The following PGM3 variants were observed in gnomAD, a reference collection of about 807,000 sequenced individuals.
The protein encoded by PGM3 is phosphoacetylglucosamine mutase.
Under a neutral mutation model 66.2 loss-of-function variants are expected in PGM3, and 40 were observed. The observed-to-expected ratio is 0.60, with a 90% CI of 0.47 to 0.79. PGM3 has a LOEUF of 0.79. PGM3 is among the 30% of genes least tolerant of loss of function. The probability of loss-of-function intolerance (pLI) is 0.00; values close to 1 mark genes in which losing one functional copy is unlikely to be tolerated. For synonymous variants in PGM3, 191 were observed against 224.2 expected, an observed-to-expected ratio of 0.85 and a Z score of 1.32; for missense variants, 537 against 643.4, an observed-to-expected ratio of 0.83 and a Z score of 1.79.
At chr6:83,191,726 C>T (rs1457898932) in intron 1 of PGM3, among the ~76,000 whole-genome samples, 2 of 152,138 alleles carry the variant, frequency 1.3e-5, no homozygotes, top group Non-Finnish European at 2.9e-5. Context: ...CGGTGGCTCA[C>T]GCCAGTAATC....
At chr6:83,191,223 G>A in intron 1 of PGM3, 1 of 1,535,250 alleles carries the variant, frequency 6.5e-7, no homozygotes, top group South Asian at 1.2e-5. Flanking sequence ...GTCCACTCCT[G>A]GGCAGACTCA....
At chr6:83,151,627 T>C in the PGM3 span, 1 of 1,609,418 alleles carries the variant, frequency 6.2e-7, no homozygotes, top group Non-Finnish European at 8.5e-7. Flanking sequence ...AAACCCTAGT[T>C]TGGAAAATAA....
the PGM3 span, chr6:83,152,221 C>A: frequency 2.1e-3 from 1,881 of 884,336 alleles, 25 homozygotes; most frequent in African/African-American, 0.03. Flanking sequence ...TACACACACA[C>A]ACACACACAC....
At position 83,171,869 on chromosome 6, in the gene PGM3, T is replaced by C. The variant is rs1205068660; in HGVS notation, c.1365+68A>G. On this transcript the variant is annotated intron_variant, in intron 11 of 12. Coordinates refer to ENST00000513973, the MANE Select transcript of PGM3 (RefSeq NM_015599.3). ...GGAAACATATGTCAGTGAGATATAA[T>C]GAGAATTGGGATAATAGGTTTTACT... 5 of 1,191,854 alleles carry C rather than the reference T, an allele frequency of 4.2e-6. No homozygotes were observed. In the African/African-American group the frequency reaches 7.6e-5, roughly 18 times the overall value. 73.8% of individuals were successfully genotyped at this position (1,191,854 alleles called of 1,614,324 possible).
At chr6:83,183,896 A>G (rs577751867) in intron 4 of PGM3, among the ~76,000 whole-genome samples, 1 of 152,016 alleles carries the variant, frequency 6.6e-6, no homozygotes, top group East Asian at 1.9e-4. Context: ...TTGTATTTTT[A>G]GTAGAGACAG....
chr6:83,169,707 G>T (rs1403000829), intron 12 of PGM3: 1 of 459,602 alleles, frequency 2.2e-6, no homozygotes, highest in Non-Finnish European at 4.4e-6. Context: ...TTAAGCTTCT[G>T]CAGGAAAGCT....
downstream of PGM3, chr6:83,157,109 T>C (rs1782972884): frequency 6.8e-7 from 1 of 1,474,640 alleles, no homozygotes; most frequent in Admixed American, 2.1e-5. Flanking sequence ...TTGAGAGTAC[T>C]GGACCGACAA....
downstream of PGM3, among the ~76,000 whole-genome samples, chr6:83,156,787 C>T (rs1339738833): frequency 3.9e-5 from 6 of 152,194 alleles, no homozygotes; most frequent in African/African-American, 9.7e-5. Context: ...TAACCTTTTA[C>T]GCCTAATTTC....
At chr6:83,175,227 T>C (rs1787670768) in intron 9 of PGM3, among the ~76,000 whole-genome samples, 2 of 152,202 alleles carry the variant, frequency 1.3e-5, no homozygotes, top group Admixed American at 6.5e-5. Flanking sequence ...AGAGACCTTA[T>C]GGCCTGAAAA....
intron 3 of PGM3, among the ~76,000 whole-genome samples, chr6:83,187,421 G>A (rs1788664482): frequency 6.6e-6 from 1 of 152,278 alleles, no homozygotes; most frequent in East Asian, 1.9e-4. Context: ...TACACAGTGT[G>A]TATAAGACAG....
At chr6:83,176,294 G>C (rs1459277043) in intron 8 of PGM3, among the ~76,000 whole-genome samples, 1 of 152,190 alleles carries the variant, frequency 6.6e-6, no homozygotes, top group Non-Finnish European at 1.5e-5. Flanking sequence ...CTCCTTATAA[G>C]ACACGAAAGA....
upstream of PGM3, chr6:83,193,403 G>C (rs973888598): frequency 6.6e-6 from 1 of 152,320 alleles, no homozygotes; most frequent in Non-Finnish European, 1.5e-5. Flanking sequence ...CTGCGGTTCC[G>C]AGCGGGGTCT....
At chr6:83,183,554 C>T (rs1399863513) in intron 4 of PGM3, among the ~76,000 whole-genome samples, 2 of 152,024 alleles carry the variant, frequency 1.3e-5, no homozygotes, top group African/African-American at 2.4e-5. Context: ...ATCTTCAGTC[C>T]GAGGATGAGT....
rs1785365011 is a variant in PGM3 at position 83,165,794 on chromosome 6, G to T, written c.*3440C>A. 1.0e-5 allele frequency: 3 copies of T among 289,054 alleles called. No individual in the cohort carries two copies. Among genetic ancestry groups the T allele is most frequent in the Non-Finnish European group, 2.1e-5 (3 of 143,548 alleles). 17.9% of individuals were successfully genotyped at this position (289,054 alleles called of 1,614,324 possible). Reference sequence around the variant, plus strand: ...GTGCAACGTGCGGCCCAGTGTTGTCGTGAAAAGAATTGGGCCCTTTCTGGT... The same window carrying T: ...GTGCAACGTGCGGCCCAGTGTTGTCTTGAAAAGAATTGGGCCCTTTCTGGT... On this transcript the variant is annotated 3_prime_UTR_variant, in exon 13 of 13. Transcript: ENST00000513973.
In PGM3 at chr6:83,188,302, GA is replaced by G. The variant is rs531994771; in HGVS notation, c.389+311del. Among the ~76,000 whole-genome samples, 3 of 150,066 alleles carry G rather than the reference GA, an allele frequency of 2.0e-5. No homozygotes were observed. The East Asian group carries it at 5.9e-4, about 29-fold the overall frequency. On this transcript the variant is annotated intron_variant, in intron 3 of 12. Coordinates refer to ENST00000513973, the MANE Select transcript of PGM3 (RefSeq NM_015599.3). Reference sequence around the variant, plus strand: ...TCAAATCATGTGTTGACTCTGTAGGGAAAAAAAAATAAACCTACAGAGGGGG... The same window carrying G: ...TCAAATCATGTGTTGACTCTGTAGGGAAAAAAAATAAACCTACAGAGGGGG...
chr6:83,168,770 T>G lies in PGM3; in HGVS notation c.*464A>C. 6 of 1,001,732 alleles carry G rather than the reference T, an allele frequency of 6.0e-6. No individual in the cohort carries two copies. The highest frequency in any genetic ancestry group is 7.2e-6 in the Non-Finnish European group (6 of 838,980). The allele number at this position is 1,001,732 out of a possible 1,614,324, so 62.1% of individuals were successfully genotyped here. On this transcript the variant is annotated 3_prime_UTR_variant, in exon 13 of 13. Coordinates refer to ENST00000513973, the MANE Select transcript of PGM3 (RefSeq NM_015599.3). ...TTAGTCATATAGGTAAGTCATCTAA[T>G]AATCTTTCTTAAGACTCTGCAATGG...
rs982238502 is a variant in PGM3 at position 83,168,966 on chromosome 6, G to T, written c.*268C>A. 1.3e-5 allele frequency: 16 copies of T among 1,204,898 alleles called. No individual in the cohort carries two copies. The highest frequency in any genetic ancestry group is 1.6e-5 in the Non-Finnish European group (15 of 963,612). 74.6% of individuals were successfully genotyped at this position (1,204,898 alleles called of 1,614,324 possible). A position where few individuals can be genotyped will look rare whatever the true frequency, so the allele number is the denominator to read the frequency against. ...CATGAATTGTTCCCCACATAAAACTGTACAGTTAGTGACTGAATTGTATAC... is the reference window on the plus strand; with the variant it reads ...CATGAATTGTTCCCCACATAAAACTTTACAGTTAGTGACTGAATTGTATAC... On this transcript the variant is annotated 3_prime_UTR_variant, in exon 13 of 13. Transcript: ENST00000513973.
chr6:83,168,946 A>G lies in PGM3; in HGVS notation c.*288T>C. 1 of 1,139,752 alleles carries G rather than the reference A, an allele frequency of 8.8e-7. No homozygotes were observed. The allele number at this position is 1,139,752 out of a possible 1,614,324, so 70.6% of individuals were successfully genotyped here. On this transcript the variant is annotated 3_prime_UTR_variant, in exon 13 of 13. Coordinates refer to ENST00000513973, the MANE Select transcript of PGM3 (RefSeq NM_015599.3). Reference sequence around the variant, plus strand: ...TTTAATTTTCCAGTAGCCTGCATGAATTGTTCCCCACATAAAACTGTACAG... The same window carrying G: ...TTTAATTTTCCAGTAGCCTGCATGAGTTGTTCCCCACATAAAACTGTACAG...
At position 83,165,035 on chromosome 6, in the gene PGM3, C is replaced by T. The variant is rs1010498671; in HGVS notation, c.*4199G>A. On this transcript the variant is annotated 3_prime_UTR_variant, in exon 13 of 13. Transcript: ENST00000513973. ...TGATAGGAATAGAAACAAAAGGTTA[C>T]CCCATAGTTCTCTTACATTTGGAAG... 8.0e-6 allele frequency: 2 copies of T among 249,184 alleles called. No individual in the cohort carries two copies. The highest frequency in any genetic ancestry group is 9.5e-5 in the East Asian group (1 of 10,558). 15.4% of individuals were successfully genotyped at this position (249,184 alleles called of 1,614,324 possible). A position where few individuals can be genotyped will look rare whatever the true frequency, so the allele number is the denominator to read the frequency against.
Sources: gnomAD v4.1 joint callset for allele counts (sites outside exome capture counted in the v4.1 genomes callset) on GRCh38, gnomAD v4.1.1 for gene constraint, MANE v1.5 for transcripts, NCBI Gene and HGNC (gene_info 2026-07-23, HGNC 2026-07-21) for gene names.